Variants in PTPRJ observed in about 807,000 individuals in gnomAD.
The protein encoded by PTPRJ is protein tyrosine phosphatase receptor type J.
A neutral mutation model predicts 141.3 loss-of-function variants in PTPRJ; 129 were observed. The ratio of observed to expected loss-of-function variants is 0.91; its 90% CI spans 0.79 to 1.06. The LOEUF (loss-of-function observed/expected upper bound fraction) is 1.06. PTPRJ is among the 50% of genes least tolerant of loss of function. The pLI is 0.00. For missense variants in PTPRJ, 1,601 were observed against 1,679.7 expected, an observed-to-expected ratio of 0.95 and a Z score of 0.82; for synonymous variants, 610 against 640.5, an observed-to-expected ratio of 0.95 and a Z score of 0.72.
chr11:48,109,808 A>T (rs1856392997), intron 1 of PTPRJ, among the ~76,000 whole-genome samples: 2 of 152,124 alleles, frequency 1.3e-5, no homozygotes, highest in African/African-American at 4.8e-5. Flanking sequence ...GGGGAGAAAC[A>T]CTGGGCACTG....
chr11:48,111,280 C>CAAAAA (rs10554961), intron 2 of PTPRJ, among the ~76,000 whole-genome samples: 11 of 67,214 alleles, frequency 1.6e-4, no homozygotes, highest in Non-Finnish European at 2.4e-4. Flanking sequence ...AACTCCATCT[C>CAAAAA]AAAAAAAAAA....
chr11:47,985,336 G>T (rs1421376323), intron 1 of PTPRJ, among the ~76,000 whole-genome samples: 1 of 150,906 alleles, frequency 6.6e-6, no homozygotes, highest in East Asian at 2.0e-4. Flanking sequence ...AATAGAGATG[G>T]TGTCTCGCTA....
chr11:48,128,873 A>G (rs1856903765), intron 7 of PTPRJ, among the ~76,000 whole-genome samples: 1 of 152,250 alleles, frequency 6.6e-6, no homozygotes, highest in South Asian at 2.1e-4. Context: ...ACACCTTAGC[A>G]TTCTTATAGA....
intron 15 of PTPRJ, among the ~76,000 whole-genome samples, 183 bp from the exon 16 acceptor site, chr11:48,149,264 A>G (rs1857421468): frequency 6.6e-6 from 1 of 152,176 alleles, no homozygotes; most frequent in African/African-American, 2.4e-5. Context: ...TGTAATTAGC[A>G]TTTGCAGCTT....
At chr11:48,007,073 G>A (rs1255659720) in intron 1 of PTPRJ, among the ~76,000 whole-genome samples, 1 of 151,710 alleles carries the variant, frequency 6.6e-6, no homozygotes, top group Non-Finnish European at 1.5e-5. Context: ...CTTCATAGGG[G>A]ACCTAGTTAT....
In PTPRJ at chr11:48,144,786, A is replaced by G; in HGVS notation, c.2687A>G (p.Gln896Arg). 6.2e-7 allele frequency: 1 copy of G among 1,614,204 alleles called. No individual in the cohort carries two copies. The highest frequency in any genetic ancestry group is 1.6e-4 in the Middle Eastern group (1 of 6,062). Residue 896 changes from glutamine (Q) to arginine (R), a missense_variant, in exon 13 of 25, where the codon CAG becomes CGG. Physicochemically the swap from Gln to Arg is conservative, Grantham distance 43. Transcript: ENST00000418331. ...AGAACAGAAGAAAAGGGACGTTCTC[A>G]GAGCTTGTCTGAAGTTTTGAAATAT... ...LIRTEEKGRSQSLSEVLKYEI... is the reference protein window; with the variant it reads ...LIRTEEKGRSRSLSEVLKYEI...
chr11:48,021,420 T>TAAAA (rs375379344), intron 1 of PTPRJ, among the ~76,000 whole-genome samples: 7 of 96,362 alleles, frequency 7.3e-5, no homozygotes, highest in African/African-American at 3.5e-4. Context: ...AATAAATAAA[T>TAAAA]AAAATAAAAT....
At chr11:48,108,293 C>T (rs982936920) in intron 1 of PTPRJ, among the ~76,000 whole-genome samples, 4 of 152,128 alleles carry the variant, frequency 2.6e-5, no homozygotes, top group South Asian at 2.1e-4. Flanking sequence ...ACTTAATTCT[C>T]GCCAAAGCAA....
chr11:48,119,698 C>T (rs1856658036), intron 3 of PTPRJ, among the ~76,000 whole-genome samples: 1 of 152,216 alleles, frequency 6.6e-6, no homozygotes, highest in Non-Finnish European at 1.5e-5. Context: ...GCCAGTGTGC[C>T]TGGCTTCCTG....
chr11:48,127,970 C>T lies in PTPRJ; in HGVS notation c.1284C>T (p.Thr428=). The T allele has an allele frequency of 6.2e-7, 1 of 1,614,188 alleles. No homozygotes were observed. Among genetic ancestry groups the T allele is most frequent in the Non-Finnish European group, 8.5e-7 (1 of 1,180,032 alleles). ...RAVIPGLRSS[T]FYNITVCPVL... ...TCATCCCCGGACTCCGCTCCAGCAC[C>T]TTCTACAACATCACAGTGTGTCCTG... The change falls in exon 7 of 25, where the codon ACC becomes ACT. Residue 428 remains threonine, a synonymous_variant. Transcript: ENST00000418331.
intron 1 of PTPRJ, among the ~76,000 whole-genome samples, chr11:48,076,438 G>A (rs113609071): frequency 0.012 from 1,841 of 152,268 alleles, 44 homozygotes; most frequent in African/African-American, 0.043. Context: ...AATCAAGTTG[G>A]TCTGGAGTTA....
chr11:47,982,245 C>A (rs1054739604), intron 1 of PTPRJ, among the ~76,000 whole-genome samples: 37 of 152,194 alleles, frequency 2.4e-4, no homozygotes, highest in African/African-American at 8.4e-4. Context: ...TGACCTCCTG[C>A]AGAGAACCTG....
At chr11:48,079,923 G>A (rs1855515890) in intron 1 of PTPRJ, among the ~76,000 whole-genome samples, 1 of 152,118 alleles carries the variant, frequency 6.6e-6, no homozygotes, top group South Asian at 2.1e-4. Flanking sequence ...AGTGAAAAGG[G>A]AGACCCCAGA....
chr11:48,157,114 A>C (rs1857631301), intron 21 of PTPRJ, among the ~76,000 whole-genome samples: 1 of 151,752 alleles, frequency 6.6e-6, no homozygotes, highest in African/African-American at 2.4e-5. Flanking sequence ...TCAGCCTCCC[A>C]AGTAGCTGGG....
At chr11:48,133,155 A>T (rs934243418) in intron 8 of PTPRJ, among the ~76,000 whole-genome samples, 1 of 152,220 alleles carries the variant, frequency 6.6e-6, no homozygotes, top group Non-Finnish European at 1.5e-5. Flanking sequence ...TGTCTTACAG[A>T]GTAAGAAATG....
chr11:48,007,914 C>G lies in PTPRJ; in HGVS notation c.96+26906C>G, dbSNP rs892357314. ...GCGCAGAGAGGGGAAGTGACTTGCC[C>G]AAGACCACACAGCTAATATCACTGT... is the stretch of plus-strand genomic sequence containing the variant. On this transcript the variant is annotated intron_variant, in intron 1 of 24. Coordinates refer to ENST00000418331, the MANE Select transcript of PTPRJ (RefSeq NM_002843.4). Among the ~76,000 whole-genome samples the G allele has an allele frequency of 3.9e-5, 6 of 152,334 alleles. No homozygotes were observed. The East Asian group carries it at 1.2e-3, about 29-fold the overall frequency.
chr11:48,066,124 G>C (rs1225136653), intron 1 of PTPRJ, among the ~76,000 whole-genome samples: 1 of 152,032 alleles, frequency 6.6e-6, no homozygotes, highest in South Asian at 2.1e-4. Context: ...CTCTAGCCTG[G>C]GTGGCAGAGT....
chr11:48,155,288 G>C (rs564416480), intron 19 of PTPRJ, among the ~76,000 whole-genome samples: 5 of 152,114 alleles, frequency 3.3e-5, no homozygotes, highest in Non-Finnish European at 5.9e-5. Context: ...GACCTACCCC[G>C]TCCTAGTGGA....
At chr11:48,071,669 C>T (rs534841631) in intron 1 of PTPRJ, among the ~76,000 whole-genome samples, 11 of 126,734 alleles carry the variant, frequency 8.7e-5, no homozygotes, top group African/African-American at 3.3e-4. Flanking sequence ...AGTGCAGTGG[C>T]GCCATCTTGG....
Sources: allele counts gnomAD v4.1 joint callset (sites outside exome capture counted in the v4.1 genomes callset), GRCh38; gene constraint gnomAD v4.1.1; transcripts MANE v1.5; gene names NCBI Gene and HGNC (gene_info 2026-07-23, HGNC 2026-07-21).